The following TRIM43 variants were observed in gnomAD, a reference collection of about 807,000 sequenced individuals.
TRIM43 encodes tripartite motif-containing protein 43.
In TRIM43, 12 loss-of-function variants were observed where a neutral mutation model predicts 27.7. The ratio of observed to expected loss-of-function variants is 0.43; its 90% CI spans 0.28 to 0.70. The LOEUF (loss-of-function observed/expected upper bound fraction) is 0.70, where lower values mean the gene tolerates loss of function less well. Ranked by LOEUF, TRIM43 falls within the 30% of genes least tolerant of loss-of-function variation. The pLI is 0.17. For synonymous variants in TRIM43, 64 were observed against 121.9 expected (o/e 0.52, Z 3.13); for missense variants, 186 against 356.5 (o/e 0.52, Z 3.85).
chr2:95,597,302 A>AT (rs1177760184), intron 4 of TRIM43, 27 bp from the exon 5 acceptor site: 1 of 24 alleles, frequency 0.042, no homozygotes, highest in Non-Finnish European at 0.05. Context: ...TAAAGAAGTC[A>AT]TTTTTTTTTT....
In TRIM43 at chr2:95,596,206, A is replaced by G. The variant is rs760280325; in HGVS notation, c.512A>G (p.Asn171Ser). 85 of 1,610,352 alleles carry G rather than the reference A, an allele frequency of 5.3e-5. 2 individuals carry two copies. The highest frequency in any genetic ancestry group is 6.8e-5 in the Non-Finnish European group (80 of 1,178,586). The part of the protein sequence containing the change: ...EGRTAFLWRG[N>S]VVLRAQMIRN... ...ACAAAATTCATATCCCTACAGGGCA[A>G]TGTGGTTTTACGGGCACAGATGATC... The change falls in exon 4 of 7, where the codon AAT (asparagine) becomes AGT (serine). Residue 171 changes from asparagine to serine, a missense_variant. By Grantham distance (46) the Asn-to-Ser change is conservative. This residue lies in a region of TRIM43 where 91 missense variants were observed against 119.3 expected (regional missense o/e 0.76). Coordinates refer to ENST00000272395, the MANE Select transcript of TRIM43 (RefSeq NM_138800.3).
Position 95,594,397 on chromosome 2 carries a change from A to T in TRIM43, c.374A>T (p.Lys125Ile). 2.5e-6 allele frequency: 4 copies of T among 1,610,986 alleles called. No homozygotes were observed. Among genetic ancestry groups the T allele is most frequent in the Non-Finnish European group, 3.4e-6 (4 of 1,179,542 alleles). ...AACTCTCAGGAGCACGGGGCTCACAAACACCATCCCATCGAAGAGGCAGCT... is the reference window on the plus strand; with the variant it reads ...AACTCTCAGGAGCACGGGGCTCACATACACCATCCCATCGAAGAGGCAGCT... ...CSNSQEHGAH[K>I]HHPIEEAAEE... is the part of the protein sequence containing the mutation. Residue 125 changes from lysine to isoleucine, a missense_variant, in exon 2 of 7, where the codon AAA becomes ATA. Around this residue, in one of 6 missense-constraint regions of TRIM43, gnomAD observed 91 missense variants for 119.3 expected, o/e 0.76. Coordinates refer to ENST00000272395, the MANE Select transcript of TRIM43 (RefSeq NM_138800.3).
chr2:95,595,327 T>C (rs1319092764), intron 3 of TRIM43, among the ~76,000 whole-genome samples, 182 bp downstream of exon 3: 2 of 151,696 alleles, frequency 1.3e-5, no homozygotes, highest in African/African-American at 2.4e-5. Context: ...GCTTTTCAGA[T>C]AAGTAAAAAA....
chr2:95,593,937 C>A, intron 1 of TRIM43, 83 bp from the exon 2 acceptor site: 1 of 1,538,348 alleles, frequency 6.5e-7, no homozygotes, highest in South Asian at 1.3e-5. Context: ...GGATATTATT[C>A]GATCACGATC....
At position 95,594,488 on chromosome 2, in the gene TRIM43, T is replaced by G. The variant is rs6713198; in HGVS notation, c.411+54T>G. 3.4e-3 allele frequency: 5,408 copies of G among 1,588,420 alleles called. 67 individuals are homozygous for G. The highest frequency in any genetic ancestry group is 0.014 in the African/African-American group (1,052 of 73,540). On this transcript the variant is annotated intron_variant, in intron 2 of 6. Coordinates refer to ENST00000272395, the MANE Select transcript of TRIM43 (RefSeq NM_138800.3). Reference sequence around the variant, plus strand: ...AGCTGGAGGGTGGCAGAGTTAAAGATATTAGAAGGATGATGAGAATCATGG... The same window carrying G: ...AGCTGGAGGGTGGCAGAGTTAAAGAGATTAGAAGGATGATGAGAATCATGG...
At chr2:95,592,450 C>G (rs1685265753) in intron 1 of TRIM43, among the ~76,000 whole-genome samples, 1 of 151,600 alleles carries the variant, frequency 6.6e-6, no homozygotes, top group Admixed American at 6.6e-5. Context: ...CTCACTGCAA[C>G]CTCCGCCTTC....
Position 95,596,187 on chromosome 2 carries a change from T to A in TRIM43, c.508-15T>A. The A allele has an allele frequency of 6.2e-7, 1 of 1,608,648 alleles. No individual in the cohort carries two copies. On this transcript the variant is annotated splice_polypyrimidine_tract_variant and intron_variant, in intron 3 of 6. Transcript: ENST00000272395. Reference sequence around the variant, plus strand: ...AGGCCTGGGTATATAACCTACAAAATTCATATCCCTACAGGGCAATGTGGT... The same window carrying A: ...AGGCCTGGGTATATAACCTACAAAAATCATATCCCTACAGGGCAATGTGGT...
Position 95,595,049 on chromosome 2 carries a change from G to A in TRIM43, c.412-1G>A. 6.2e-7 allele frequency: 1 copy of A among 1,607,448 alleles called. No individual in the cohort carries two copies. The highest frequency in any genetic ancestry group is 1.7e-5 in the Admixed American group (1 of 59,448). The stretch of plus-strand genomic sequence containing the variant: ...TGTTCAACCTTGTAATTCTTTTGCA[G>A]GAGAAACTCTTAAAGCAAATGAGGA... On this transcript the variant is annotated splice_acceptor_variant, in intron 2 of 6. Transcript: ENST00000272395. LOFTEE classifies it high-confidence loss of function.
At chr2:95,596,145 C>A (rs1369549960) in intron 3 of TRIM43, 57 bp from the exon 4 acceptor site, 6 of 1,592,938 alleles carry the variant, frequency 3.8e-6, no homozygotes, top group Non-Finnish European at 4.3e-6. Flanking sequence ...AAGTTGTAGG[C>A]TCTGTGAGGT....
chr2:95,594,935 T>C, intron 2 of TRIM43, 115 bp from the exon 3 acceptor site: 1 of 1,178,206 alleles, frequency 8.5e-7, no homozygotes, highest in East Asian at 2.7e-5. Flanking sequence ...AAATTTTGTT[T>C]TTTTCTCCTC....
intron 1 of TRIM43, among the ~76,000 whole-genome samples, chr2:95,593,810 T>C (rs1396670075): frequency 6.6e-6 from 1 of 151,890 alleles, no homozygotes; most frequent in Admixed American, 6.6e-5. Context: ...AAGCTGGTCA[T>C]GTGTTGATTG....
In TRIM43 at chr2:95,594,888, T is replaced by G. The variant is rs558070275; in HGVS notation, c.412-162T>G. 2.6e-5 allele frequency among the ~76,000 whole-genome samples: 4 copies of G among 151,832 alleles called. No homozygotes were observed. The East Asian group carries it at 7.7e-4, about 29-fold the overall frequency. The stretch of plus-strand genomic sequence containing the variant: ...CTAAGCTGTTCTACATTCTGAAACC[T>G]CAAACTGAAAAATATCAATTAAGGA... On this transcript the variant is annotated intron_variant, in intron 2 of 6. Coordinates refer to ENST00000272395, the MANE Select transcript of TRIM43 (RefSeq NM_138800.3).
intron 1 of TRIM43, among the ~76,000 whole-genome samples, chr2:95,593,507 T>C (rs1191765874): frequency 3.3e-5 from 5 of 151,908 alleles, no homozygotes; most frequent in Admixed American, 3.3e-4. Context: ...TAGCTTTTTC[T>C]GATTTGGGTC....
At position 95,593,899 on chromosome 2, in the gene TRIM43, T is replaced by C. The variant is rs1251961258; in HGVS notation, c.-4-121T>C. ...TTTTTCCTATTTCTGTCATTGCAGA[T>C]TAAAGCCTATACTTCTTTAGAAAGA... On this transcript the variant is annotated intron_variant, in intron 1 of 6. Coordinates refer to ENST00000272395, the MANE Select transcript of TRIM43 (RefSeq NM_138800.3). 2.6e-6 allele frequency: 4 copies of C among 1,523,786 alleles called. No individual in the cohort carries two copies. The African/African-American group carries it at 5.6e-5, about 21-fold the overall frequency. 94.4% of individuals were successfully genotyped at this position (1,523,786 alleles called of 1,614,324 possible).
chr2:95,593,783 A>G (rs1384003536), intron 1 of TRIM43, among the ~76,000 whole-genome samples: 1 of 151,894 alleles, frequency 6.6e-6, no homozygotes, highest in African/African-American at 2.4e-5. Context: ...CTTCCATGCA[A>G]GAAAGTAGAG....
chr2:95,595,746 T>A (rs878959180), intron 3 of TRIM43, among the ~76,000 whole-genome samples: 2 of 151,458 alleles, frequency 1.3e-5, no homozygotes, highest in Admixed American at 1.3e-4. Flanking sequence ...AGAAGAAAGA[T>A]AGGAGACAGA....
intron 1 of TRIM43, among the ~76,000 whole-genome samples, chr2:95,592,663 G>T (rs1177658110): frequency 6.6e-6 from 1 of 150,902 alleles, no homozygotes; most frequent in East Asian, 1.9e-4. Flanking sequence ...GAGCCACCGC[G>T]CCCGGCCTTT....
intron 3 of TRIM43, among the ~76,000 whole-genome samples, chr2:95,595,658 T>C (rs1181669638): frequency 1.3e-5 from 2 of 150,560 alleles, no homozygotes; most frequent in African/African-American, 4.9e-5. Flanking sequence ...AATATGTCAT[T>C]ATTGAGAGGA....
rs1685257985 is a variant in TRIM43, at chr2:95,592,140, T to C, written c.-14T>C. The C allele has an allele frequency of 6.6e-6, 1 of 151,810 alleles. No homozygotes were observed. The highest frequency in any genetic ancestry group is 2.4e-5 in the African/African-American group (1 of 41,290). The allele number at this position is 151,810 out of a possible 1,614,324, so 9.4% of individuals were successfully genotyped here. A position where few individuals can be genotyped will look rare whatever the true frequency, so the allele number is the denominator to read the frequency against. ...GCAAGCTTTGGTGAGAACATAGATA[T>C]ATTTCTGAGGTAAGTACACAATTTC... is the stretch of plus-strand genomic sequence containing the variant. On this transcript the variant is annotated 5_prime_UTR_variant, in exon 1 of 7. Coordinates refer to ENST00000272395, the MANE Select transcript of TRIM43 (RefSeq NM_138800.3).
Sources: allele counts gnomAD v4.1 joint callset (sites outside exome capture counted in the v4.1 genomes callset), GRCh38; gene constraint gnomAD v4.1.1; regional missense constraint gnomAD v4.1.1; transcripts MANE v1.5; gene names NCBI Gene and HGNC (gene_info 2026-07-23, HGNC 2026-07-21).